The following ASIC2 variants were observed in gnomAD, a reference collection of about 807,000 sequenced individuals.
ASIC2 encodes the protein acid sensing ion channel subunit 2.
In ASIC2, 25 loss-of-function variants were observed where a neutral mutation model predicts 57.3. The observed-to-expected ratio is 0.44, with a 90% CI of 0.32 to 0.61. The LOEUF (loss-of-function observed/expected upper bound fraction) is 0.61, where lower values mean the gene tolerates loss of function less well. Among genes scored for constraint, ASIC2 ranks in the 20% least tolerant of loss-of-function variants. The pLI is 0.06. For synonymous variants in ASIC2, 319 were observed against 307.5 expected, an observed-to-expected ratio of 1.04 and a Z score of -0.39; for missense variants, 641 against 738.1, an observed-to-expected ratio of 0.87 and a Z score of 1.52.
chr17:33,122,883 T>C (rs1161090384), intron 1 of ASIC2, among the ~76,000 whole-genome samples: 1 of 152,038 alleles, frequency 6.6e-6, no homozygotes, highest in Non-Finnish European at 1.5e-5. Context: ...AACAGATATA[T>C]AAAAAATGCC....
chr17:33,027,296 A>G (rs2091863314), intron 4 of ASIC2, among the ~76,000 whole-genome samples: 1 of 152,190 alleles, frequency 6.6e-6, no homozygotes. Context: ...ATTTGGGCCC[A>G]CCTTTCAGCA....
At position 33,298,446 on chromosome 17, in the gene ASIC2, C is replaced by T. The variant is rs547994224; in HGVS notation, c.556-186379G>A. 6.6e-5 allele frequency among the ~76,000 whole-genome samples: 10 copies of T among 152,276 alleles called. No homozygotes were observed. The South Asian group carries it at 2.1e-3, about 32-fold the overall frequency. On this transcript the variant is annotated intron_variant, in intron 1 of 9. Transcript: ENST00000359872. ...ACAAACTCATCATTTTTTATGGCTG[C>T]ATAGTATTCCATGGTGTATATGTGC... is the stretch of plus-strand genomic sequence containing the variant.
intron 1 of ASIC2, among the ~76,000 whole-genome samples, chr17:34,015,370 G>A (rs1906914295): frequency 6.6e-6 from 1 of 152,156 alleles, no homozygotes; most frequent in Non-Finnish European, 1.5e-5. Flanking sequence ...GTTCACAGCT[G>A]AATTCCACAG....
chr17:33,758,484 G>A (rs111759911), intron 1 of ASIC2, among the ~76,000 whole-genome samples: 4 of 152,118 alleles, frequency 2.6e-5, no homozygotes, highest in Admixed American at 6.5e-5. Context: ...TGGTTTGAAC[G>A]TTTGTCCCCT....
chr17:33,629,962 C>T (rs1039111598), intron 1 of ASIC2, among the ~76,000 whole-genome samples: 13 of 152,142 alleles, frequency 8.5e-5, no homozygotes, highest in Non-Finnish European at 1.6e-4. Context: ...CTTGGGCATC[C>T]CTCTTGATAC....
chr17:33,895,131 G>A (rs1915062840), intron 1 of ASIC2, among the ~76,000 whole-genome samples: 1 of 151,430 alleles, frequency 6.6e-6, no homozygotes, highest in African/African-American at 2.4e-5. Context: ...TTGAATAAAT[G>A]GGGGTTAGTG....
At chr17:34,059,386 G>C (rs1908886649) in intron 1 of ASIC2, among the ~76,000 whole-genome samples, 1 of 152,142 alleles carries the variant, frequency 6.6e-6, no homozygotes, top group African/African-American at 2.4e-5. Context: ...GCATTACAGG[G>C]AACCATCAGG....
At position 33,103,255 on chromosome 17, in the gene ASIC2, T is replaced by A. The variant is rs1017552063; in HGVS notation, c.859+8662A>T. On this transcript the variant is annotated intron_variant, in intron 2 of 9. Coordinates refer to ENST00000225823, the MANE Select transcript of ASIC2 (RefSeq NM_183377.2). ...TTTTTTATTTATCAAAAGGCGTATA[T>A]GGTGTCTAATATTATCCAGGCACTT... 2.0e-5 allele frequency among the ~76,000 whole-genome samples: 3 copies of A among 152,226 alleles called. No individual in the cohort carries two copies. The South Asian group carries it at 6.2e-4, about 31-fold the overall frequency.
At chr17:33,363,393 C>T (rs1463303281) in intron 1 of ASIC2, among the ~76,000 whole-genome samples, 2 of 152,144 alleles carry the variant, frequency 1.3e-5, no homozygotes, top group Admixed American at 6.5e-5. Flanking sequence ...GTGACTTTTC[C>T]GTTGGTTGCT....
At chr17:34,011,056 GACACACAC>G (rs1491505911) in intron 1 of ASIC2, among the ~76,000 whole-genome samples, 49 of 9,134 alleles carry the variant, frequency 5.4e-3, no homozygotes, top group East Asian at 0.016. Context: ...CACACACACA[GACACACAC>G]ATGCCTCCAG....
intron 1 of ASIC2, among the ~76,000 whole-genome samples, chr17:33,966,883 G>T (rs556166204): frequency 5.9e-5 from 9 of 152,140 alleles, no homozygotes; most frequent in Non-Finnish European, 1.3e-4. Context: ...TACATCAGTC[G>T]TTTCCATACA....
In ASIC2 at chr17:34,073,995, T is replaced by C. The variant is rs186024013; in HGVS notation, c.555+81983A>G. Among the ~76,000 whole-genome samples the C allele has an allele frequency of 9.5e-3, 1,451 of 152,260 alleles. 16 individuals carry two copies. Among genetic ancestry groups the C allele is most frequent in the South Asian group, 0.042 (203 of 4,826 alleles). On this transcript the variant is annotated intron_variant, in intron 1 of 9. Transcript: ENST00000359872. ...CTGCACATGCAGCCAATATACGGCC[T>C]TCAGTTCCTTCTCTCCCCAGAAACC...
Position 33,308,600 on chromosome 17 carries a change from A to G in ASIC2, c.556-196533T>C, listed in dbSNP as rs575161485. On this transcript the variant is annotated intron_variant, in intron 1 of 9. Coordinates refer to the ASIC2 transcript ENST00000359872. ...TGTAGGTATTCAATAACTTTGTGTC[A>G]TCACTGAACAAACGAATGAATGAAA... 5.3e-5 allele frequency among the ~76,000 whole-genome samples: 8 copies of G among 152,336 alleles called. 1 individual carries two copies. The South Asian group carries it at 1.7e-3, about 32-fold the overall frequency.
At chr17:33,745,983 T>A (rs563438095) in intron 1 of ASIC2, among the ~76,000 whole-genome samples, 1 of 152,066 alleles carries the variant, frequency 6.6e-6, no homozygotes, top group Non-Finnish European at 1.5e-5. Flanking sequence ...AATTGCATTG[T>A]TGCACCTGTA....
chr17:33,461,460 C>T (rs1406294169), intron 1 of ASIC2, among the ~76,000 whole-genome samples: 1 of 152,138 alleles, frequency 6.6e-6, no homozygotes, highest in African/African-American at 2.4e-5. Flanking sequence ...TGATATTCCC[C>T]AGGGCCCTGC....
At chr17:33,033,055 G>A (rs1033700622) in intron 3 of ASIC2, among the ~76,000 whole-genome samples, 6 of 152,178 alleles carry the variant, frequency 3.9e-5, no homozygotes, top group African/African-American at 1.4e-4. Context: ...GATTCCTTAA[G>A]GTGAGGAGTT....
chr17:33,795,678 C>T (rs532627466), intron 1 of ASIC2, among the ~76,000 whole-genome samples: 1 of 152,336 alleles, frequency 6.6e-6, no homozygotes, highest in South Asian at 2.1e-4. Context: ...TCTGTGGTTT[C>T]AGGGGAGTAA....
At chr17:33,260,225 C>A (rs1302155585) in intron 1 of ASIC2, among the ~76,000 whole-genome samples, 1 of 152,142 alleles carries the variant, frequency 6.6e-6, no homozygotes, top group Non-Finnish European at 1.5e-5. Context: ...GGCCTCCTGG[C>A]CCCTGAATCC....
chr17:33,716,614 C>G (rs563198095), intron 1 of ASIC2, among the ~76,000 whole-genome samples: 2 of 152,332 alleles, frequency 1.3e-5, no homozygotes, highest in East Asian at 3.9e-4. Context: ...CCTAAAGAGG[C>G]CTCCCATGAC....
Sources: allele counts gnomAD v4.1 joint callset (sites outside exome capture counted in the v4.1 genomes callset), GRCh38; gene constraint gnomAD v4.1.1; transcripts MANE v1.5; gene names NCBI Gene and HGNC (gene_info 2026-07-23, HGNC 2026-07-21).